AGAP1: variants seen among roughly 807,000 people sequenced by gnomAD.
The protein encoded by AGAP1 is ArfGAP with GTPase domain, ankyrin repeat and PH domain 1, also known as arf-GAP with GTPase, ANK repeat and PH domain-containing protein 1.
In AGAP1, 29 loss-of-function variants were observed where a neutral mutation model predicts 105.3. The ratio of observed to expected loss-of-function variants is 0.28; its 90% CI spans 0.21 to 0.38. The LOEUF is 0.38. Among genes scored for constraint, AGAP1 ranks in the 10% least tolerant of loss-of-function variants. AGAP1 has a pLI of 1.00. For missense variants in AGAP1, 998 were observed against 1,165.1 expected, an observed-to-expected ratio of 0.86 and a Z score of 2.09; for synonymous variants, 509 against 485.9, an observed-to-expected ratio of 1.05 and a Z score of -0.63.
Position 235,792,639 on chromosome 2 carries a change from G to T in AGAP1, c.674-5120G>T, listed in dbSNP as rs191439875. Among the ~76,000 whole-genome samples the T allele has an allele frequency of 3.9e-5, 6 of 152,344 alleles. No individual in the cohort carries two copies. In the East Asian group the frequency reaches 1.2e-3, roughly 29 times the overall value. ...AGACGAATTTCTGAGAAACTCTGGT[G>T]GTTGAACCAATCATCTGTTAGGTCT... On this transcript the variant is annotated intron_variant, in intron 6 of 17. Coordinates refer to ENST00000304032, the MANE Select transcript of AGAP1 (RefSeq NM_001037131.3). The surrounding 1 kb of genome is among the most constrained non-coding windows in gnomAD (Gnocchi z 5.3).
chr2:235,620,617 C>T lies in AGAP1; in HGVS notation c.164-88562C>T, dbSNP rs1946446237. 6.6e-6 allele frequency among the ~76,000 whole-genome samples: 1 copy of T among 152,174 alleles called. No individual in the cohort carries two copies. Among genetic ancestry groups the T allele is most frequent in the Non-Finnish European group, 1.5e-5 (1 of 68,032 alleles). On this transcript the variant is annotated intron_variant, in intron 1 of 17. Coordinates refer to ENST00000304032, the MANE Select transcript of AGAP1 (RefSeq NM_001037131.3). The surrounding 1 kb of genome is among the most constrained non-coding windows in gnomAD (Gnocchi z 4.5). ...CCTGGCCTTCCTCCCAGCCACAGCC[C>T]CTCCTCCTCACCTCCTCACCTGCTT...
At chr2:235,709,327 C>G in intron 2 of AGAP1, 90 bp downstream of exon 2, 2 of 1,434,450 alleles carry the variant, frequency 1.4e-6, no homozygotes, top group Non-Finnish European at 2.0e-6. Context: ...TGGTCATCGC[C>G]TGGGGCCCAG....
At chr2:235,926,213 C>G (rs1486802447) in intron 11 of AGAP1, among the ~76,000 whole-genome samples, 1 of 152,158 alleles carries the variant, frequency 6.6e-6, no homozygotes, top group Non-Finnish European at 1.5e-5. Context: ...TCAAAAAATG[C>G]ATGAGAAAGT....
chr2:235,767,889 A>G (rs1308368599), intron 6 of AGAP1, among the ~76,000 whole-genome samples: 6 of 148,254 alleles, frequency 4.0e-5, no homozygotes, highest in East Asian at 2.0e-4. Context: ...GGTTCAAGCA[A>G]TTCTCCTGCC....
Position 235,723,988 on chromosome 2 carries a change from C to T in AGAP1, c.310+6344C>T, listed in dbSNP as rs1378211482. Among the ~76,000 whole-genome samples, 4 of 152,166 alleles carry T rather than the reference C, an allele frequency of 2.6e-5. No individual in the cohort carries two copies. The highest frequency in any genetic ancestry group is 6.5e-5 in the Admixed American group (1 of 15,280). On this transcript the variant is annotated intron_variant, in intron 3 of 17. Coordinates refer to ENST00000304032, the MANE Select transcript of AGAP1 (RefSeq NM_001037131.3). This position sits in a 1 kb window ranked among gnomAD's most constrained non-coding sequence, Gnocchi z 6.2. ...GCCACTGAGGCCCAGCGGCTGCCTG[C>T]GAGGGTCAGTGGTGTCGTAGCCTGC... is the stretch of plus-strand genomic sequence containing the variant.
intron 10 of AGAP1, among the ~76,000 whole-genome samples, chr2:235,890,667 T>G (rs2050495175): frequency 6.6e-6 from 1 of 152,202 alleles, no homozygotes; most frequent in African/African-American, 2.4e-5. Flanking sequence ...CTGCAGACGC[T>G]CAGGCTACAT....
At position 235,686,657 on chromosome 2, in the gene AGAP1, A is replaced by G. The variant is rs1427732979; in HGVS notation, c.164-22522A>G. ...TATATATATATATAGATATATATAT[A>G]TATATATATTTTTTTTTTTTTTTAG... is the stretch of plus-strand genomic sequence containing the variant. On this transcript the variant is annotated intron_variant, in intron 1 of 17. Transcript: ENST00000304032. 2.8e-4 allele frequency among the ~76,000 whole-genome samples: 15 copies of G among 54,246 alleles called. 1 individual carries two copies. Among genetic ancestry groups the G allele is most frequent in the Admixed American group, 6.3e-4 (3 of 4,774 alleles). The allele number at this position is 54,246 out of a possible 152,430, so 35.6% of individuals were successfully genotyped here. A position where few individuals can be genotyped will look rare whatever the true frequency, so the allele number is the denominator to read the frequency against.
At chr2:235,762,534 A>G (rs551687773) in intron 6 of AGAP1, among the ~76,000 whole-genome samples, 1 of 152,248 alleles carries the variant, frequency 6.6e-6, no homozygotes, top group Non-Finnish European at 1.5e-5. Flanking sequence ...GATATAAGCA[A>G]AAGTCAGCTG....
intron 13 of AGAP1, among the ~76,000 whole-genome samples, chr2:235,969,393 T>G (rs978576214): frequency 7.9e-5 from 12 of 152,096 alleles, no homozygotes; most frequent in African/African-American, 2.9e-4. Flanking sequence ...AAGGAAAAAT[T>G]AAAGTTTGAG....
intron 1 of AGAP1, among the ~76,000 whole-genome samples, chr2:235,495,379 C>T (rs893186211): frequency 6.6e-6 from 1 of 152,262 alleles, no homozygotes; most frequent in African/African-American, 2.4e-5. Context: ...AGAGCCAGCC[C>T]TAGCCGCGGG....
In AGAP1 at chr2:236,044,121, GAATTT is replaced by G. The variant is rs1610978; in HGVS notation, c.1891+3281_1891+3285del. 0.1 allele frequency among the ~76,000 whole-genome samples: 15,207 copies of G among 152,120 alleles called. 878 individuals are homozygous for G. The highest frequency in any genetic ancestry group is 0.13 in the Non-Finnish European group (9,098 of 67,974). Reference sequence around the variant, plus strand: ...CTATAAAGGGATTCTGAGAGCCAGTGAATTTGGGAAACTCTTAACAACGTCCGACT... The same window carrying G: ...CTATAAAGGGATTCTGAGAGCCAGTGGGGAAACTCTTAACAACGTCCGACT... On this transcript the variant is annotated intron_variant, in intron 15 of 17. Transcript: ENST00000304032. The surrounding 1 kb of genome is among the most constrained non-coding windows in gnomAD (Gnocchi z 5.7).
intron 13 of AGAP1, among the ~76,000 whole-genome samples, chr2:236,017,299 A>G (rs190969742): frequency 5.9e-4 from 90 of 152,006 alleles, no homozygotes; most frequent in Non-Finnish European, 1.1e-3. Flanking sequence ...TCTCAAAAAA[A>G]AAAAAAAAAT....
chr2:235,547,043 G>A (rs928977721), intron 1 of AGAP1, among the ~76,000 whole-genome samples: 1 of 152,168 alleles, frequency 6.6e-6, no homozygotes, highest in Admixed American at 6.5e-5. Context: ...AGAGATCTGG[G>A]AGCCTTTGAC....
chr2:236,066,722 A>G (rs533032549), intron 16 of AGAP1, among the ~76,000 whole-genome samples: 8 of 152,180 alleles, frequency 5.3e-5, no homozygotes, highest in Non-Finnish European at 1.0e-4. Context: ...TGAGTATACA[A>G]TCAATTCAGT....
chr2:235,596,636 TAAG>T lies in AGAP1; in HGVS notation c.163+101792_163+101794del, dbSNP rs890535734. Among the ~76,000 whole-genome samples, 13 of 152,196 alleles carry T rather than the reference TAAG, an allele frequency of 8.5e-5. No individual in the cohort carries two copies. Among genetic ancestry groups the T allele is most frequent in the African/African-American group, 2.9e-4 (12 of 41,456 alleles). On this transcript the variant is annotated intron_variant, in intron 1 of 17. Coordinates refer to ENST00000304032, the MANE Select transcript of AGAP1 (RefSeq NM_001037131.3). This position sits in a 1 kb window ranked among gnomAD's most constrained non-coding sequence, Gnocchi z 5.9. ...TATGGCTGTATTTGAGGGGATTGTGTAAGAAGATGTTGTTAAATTTATTTTTAG... is the reference window on the plus strand; with the variant it reads ...TATGGCTGTATTTGAGGGGATTGTGTAAGATGTTGTTAAATTTATTTTTAG...
intron 1 of AGAP1, among the ~76,000 whole-genome samples, chr2:235,528,135 A>G (rs1942911651): frequency 6.6e-6 from 1 of 152,210 alleles, no homozygotes; most frequent in South Asian, 2.1e-4. Flanking sequence ...TAACAATAAT[A>G]GCTATATTGT....
rs371619258 is a variant in AGAP1, at chr2:236,062,646, GTTTGTTTGTTTGTTTGTT to G, written c.2114+13382_2114+13399del. Among the ~76,000 whole-genome samples the G allele has an allele frequency of 3.2e-4, 48 of 151,048 alleles. 2 individuals are homozygous for G. The East Asian group carries it at 4.5e-3, about 14-fold the overall frequency. ...ACATGCCTCCACACTCAGCTATTTTGTTTGTTTGTTTGTTTGTTTTTGTTTGTTTGTTTGAGATGGAAT... is the reference window on the plus strand; with the variant it reads ...ACATGCCTCCACACTCAGCTATTTTGTTTGTTTGTTTGTTTGAGATGGAAT... On this transcript the variant is annotated intron_variant, in intron 16 of 17. Transcript: ENST00000304032. The surrounding 1 kb of genome is among the most constrained non-coding windows in gnomAD (Gnocchi z 4.2).
Position 236,076,727 on chromosome 2 carries a change from G to A in AGAP1, c.2114+27446G>A, listed in dbSNP as rs760656383. Among the ~76,000 whole-genome samples, 4 of 152,146 alleles carry A rather than the reference G, an allele frequency of 2.6e-5. No individual in the cohort carries two copies. The highest frequency in any genetic ancestry group is 5.9e-5 in the Non-Finnish European group (4 of 68,024). On this transcript the variant is annotated intron_variant, in intron 16 of 17. Coordinates refer to ENST00000304032, the MANE Select transcript of AGAP1 (RefSeq NM_001037131.3). The surrounding 1 kb of genome is among the most constrained non-coding windows in gnomAD (Gnocchi z 4.4). ...CTAAAGAGGGAAGCCCCAGCGCTAT[G>A]AGCATACCTGGCAACAGACCACTTC...
rs1307973795 is a variant in AGAP1 at position 235,721,766 on chromosome 2, G to A, written c.310+4122G>A. On this transcript the variant is annotated intron_variant, in intron 3 of 17. Coordinates refer to ENST00000304032, the MANE Select transcript of AGAP1 (RefSeq NM_001037131.3). This position sits in a 1 kb window ranked among gnomAD's most constrained non-coding sequence, Gnocchi z 4.5. The stretch of plus-strand genomic sequence containing the variant: ...GCTGGGATATGTAGATTGCTGGGAG[G>A]GGTGAGGTGGTGAGGGCCTTCCTGT... Among the ~76,000 whole-genome samples the A allele has an allele frequency of 6.6e-6, 1 of 152,180 alleles. No individual in the cohort carries two copies. Among genetic ancestry groups the A allele is most frequent in the Admixed American group, 6.5e-5 (1 of 15,280 alleles).
Sources: gnomAD v4.1 joint callset for allele counts (sites outside exome capture counted in the v4.1 genomes callset) on GRCh38, gnomAD v4.1.1 for gene constraint, Gnocchi (gnomAD v3.1) non-coding constraint, MANE v1.5 for transcripts, NCBI Gene and HGNC (gene_info 2026-07-23, HGNC 2026-07-21) for gene names.